Variants in CAMTA1 observed in about 807,000 individuals in gnomAD.
CAMTA1 encodes the protein calmodulin-binding transcription activator 1.
CAMTA1 carries 27 observed loss-of-function variants against 170.9 expected under a neutral mutation model. The ratio of observed to expected loss-of-function variants is 0.16; its 90% CI spans 0.12 to 0.22. The LOEUF (loss-of-function observed/expected upper bound fraction) is 0.22. Among genes scored for constraint, CAMTA1 ranks in the 10% least tolerant of loss-of-function variants. The pLI is 1.00. For missense variants in CAMTA1, 1,619 were observed against 2,217.2 expected, an observed-to-expected ratio of 0.73 and a Z score of 5.42; for synonymous variants, 833 against 891.5, an observed-to-expected ratio of 0.93 and a Z score of 1.17.
intron 9 of CAMTA1, among the ~76,000 whole-genome samples, chr1:7,667,462 G>A (rs2096011475): frequency 6.6e-6 from 1 of 152,162 alleles, no homozygotes; most frequent in Admixed American, 6.5e-5. Context: ...TGGCCTCGAG[G>A]CACTCCCAGT....
chr1:6,976,324 C>T lies in CAMTA1; in HGVS notation c.235-114980C>T, dbSNP rs929626897. 1.2e-4 allele frequency among the ~76,000 whole-genome samples: 19 copies of T among 152,236 alleles called. No individual in the cohort carries two copies. In the Middle Eastern group the frequency reaches 0.01, roughly 82 times the overall value. ...GTGTGTGTGAGATGGGGCAGGGAGA[C>T]GGATCTGGCACTTCTGGCCTGGAAA... On this transcript the variant is annotated intron_variant, in intron 3 of 22. Transcript: ENST00000303635.
chr1:7,627,129 C>T (rs969927731), intron 6 of CAMTA1, among the ~76,000 whole-genome samples: 3 of 152,050 alleles, frequency 2.0e-5, no homozygotes, highest in African/African-American at 4.8e-5. Context: ...GGATATTTTT[C>T]GGGAAAATGG....
intron 4 of CAMTA1, among the ~76,000 whole-genome samples, chr1:7,200,158 T>A (rs1256948054): frequency 6.6e-6 from 1 of 152,246 alleles, no homozygotes; most frequent in Non-Finnish European, 1.5e-5. Flanking sequence ...AATTATTCTC[T>A]GTGTATGTGG....
chr1:7,535,485 G>A (rs575820456), intron 6 of CAMTA1, among the ~76,000 whole-genome samples: 10 of 152,312 alleles, frequency 6.6e-5, no homozygotes, highest in South Asian at 2.1e-4. Flanking sequence ...GCTCTGGGAC[G>A]TCTGGGCTGC....
At position 7,010,017 on chromosome 1, in the gene CAMTA1, G is replaced by T. The variant is rs1430496936; in HGVS notation, c.235-81287G>T. 6.6e-6 allele frequency among the ~76,000 whole-genome samples: 1 copy of T among 152,210 alleles called. No homozygotes were observed. The highest frequency in any genetic ancestry group is 1.5e-5 in the Non-Finnish European group (1 of 68,042). On this transcript the variant is annotated intron_variant, in intron 3 of 22. Coordinates refer to ENST00000303635, the MANE Select transcript of CAMTA1 (RefSeq NM_015215.4). The surrounding 1 kb of genome is among the most constrained non-coding windows in gnomAD (Gnocchi z 4.4). ...GTCCAGGTGCCGGCCAGTGTGGAAGGAGCTGGCTGCTGAGGATTTACCAGC... is the reference window on the plus strand; with the variant it reads ...GTCCAGGTGCCGGCCAGTGTGGAAGTAGCTGGCTGCTGAGGATTTACCAGC...
rs1659692324 is a variant in CAMTA1, at chr1:7,216,058, A to G, written c.303-33433A>G. 6.6e-6 allele frequency among the ~76,000 whole-genome samples: 1 copy of G among 152,230 alleles called. No individual in the cohort carries two copies. The highest frequency in any genetic ancestry group is 2.4e-5 in the African/African-American group (1 of 41,458). ...TGACTCATGGTTCCACAGGCTTTACAGGAAGCATGGCTGGGGAGACCTCAG... is the reference window on the plus strand; with the variant it reads ...TGACTCATGGTTCCACAGGCTTTACGGGAAGCATGGCTGGGGAGACCTCAG... On this transcript the variant is annotated intron_variant, in intron 4 of 22. Transcript: ENST00000303635. This position sits in a 1 kb window ranked among gnomAD's most constrained non-coding sequence, Gnocchi z 4.0.
intron 3 of CAMTA1, among the ~76,000 whole-genome samples, chr1:7,023,050 G>A (rs1049124206): frequency 3.3e-5 from 5 of 152,086 alleles, no homozygotes; most frequent in Admixed American, 3.3e-4. Context: ...GAACAAGAAG[G>A]GACTGTCTTT....
intron 6 of CAMTA1, among the ~76,000 whole-genome samples, chr1:7,638,876 G>A (rs2095737525): frequency 6.6e-6 from 1 of 152,206 alleles, no homozygotes; most frequent in Admixed American, 6.5e-5. Flanking sequence ...AGGCCCCTGG[G>A]CATGTCCTAT....
intron 3 of CAMTA1, among the ~76,000 whole-genome samples, chr1:7,076,539 G>T (rs1025665676): frequency 2.0e-5 from 3 of 152,172 alleles, no homozygotes; most frequent in African/African-American, 7.2e-5. Flanking sequence ...AGGTTCTAAG[G>T]ATAGGGCCCA....
At chr1:7,138,907 A>G (rs1169031535) in intron 4 of CAMTA1, among the ~76,000 whole-genome samples, 2 of 151,264 alleles carry the variant, frequency 1.3e-5, no homozygotes, top group Admixed American at 1.3e-4. Context: ...AGGCAGGAGA[A>G]TTGCTTGAAC....
intron 7 of CAMTA1, among the ~76,000 whole-genome samples, chr1:7,652,019 C>A (rs147871972): frequency 0.019 from 2,868 of 152,296 alleles, 35 homozygotes; most frequent in Non-Finnish European, 0.028. Flanking sequence ...TGCCCCTCAG[C>A]CCCCTGCCAT....
rs182029999 is a variant in CAMTA1 at position 6,916,045 on chromosome 1, G to A, written c.234+90835G>A. ...TCTCCTGGGCATGCCTGTGAGTGCTGTTCGCGGTCTGTTCCCAGGTGCAGA... is the reference window on the plus strand; with the variant it reads ...TCTCCTGGGCATGCCTGTGAGTGCTATTCGCGGTCTGTTCCCAGGTGCAGA... On this transcript the variant is annotated intron_variant, in intron 3 of 22. Transcript: ENST00000303635. Among the ~76,000 whole-genome samples the A allele has an allele frequency of 2.3e-3, 349 of 152,278 alleles. 3 individuals carry two copies. Among genetic ancestry groups the A allele is most frequent in the Admixed American group, 5.9e-3 (90 of 15,296 alleles).
At chr1:6,886,860 C>T (rs999513670) in intron 3 of CAMTA1, among the ~76,000 whole-genome samples, 1 of 152,166 alleles carries the variant, frequency 6.6e-6, no homozygotes, top group African/African-American at 2.4e-5. Flanking sequence ...CATTTTTGGT[C>T]ATTTTGGTCA....
chr1:7,342,940 A>T (rs1321247934), intron 5 of CAMTA1, among the ~76,000 whole-genome samples: 1 of 152,198 alleles, frequency 6.6e-6, no homozygotes, highest in Admixed American at 6.5e-5. Context: ...CCTTGCTCCT[A>T]TTAAGGCCTG....
chr1:6,828,634 G>A (rs1044788472), intron 3 of CAMTA1, among the ~76,000 whole-genome samples: 5 of 151,824 alleles, frequency 3.3e-5, no homozygotes, highest in Non-Finnish European at 7.4e-5. Context: ...TACTGACTGG[G>A]TATTTTATAT....
At chr1:7,467,021 C>T (rs1166863215) in intron 5 of CAMTA1, among the ~76,000 whole-genome samples, 1 of 152,096 alleles carries the variant, frequency 6.6e-6, no homozygotes, top group African/African-American at 2.4e-5. Flanking sequence ...CAGGCAGCAC[C>T]AGAGAATCAG....
intron 5 of CAMTA1, among the ~76,000 whole-genome samples, chr1:7,253,475 G>A (rs913200039): frequency 6.6e-6 from 1 of 152,154 alleles, no homozygotes; most frequent in Non-Finnish European, 1.5e-5. Flanking sequence ...GGCAGCTCTG[G>A]GCTCTTGTCC....
chr1:7,604,404 T>A (rs2095470082), intron 6 of CAMTA1, among the ~76,000 whole-genome samples: 2 of 152,188 alleles, frequency 1.3e-5, no homozygotes, highest in Admixed American at 1.3e-4. Context: ...TCTCTAAACT[T>A]CTTTTCTCGC....
intron 6 of CAMTA1, among the ~76,000 whole-genome samples, chr1:7,517,720 C>T (rs1226999136): frequency 3.3e-5 from 5 of 152,002 alleles, no homozygotes; most frequent in Non-Finnish European, 7.3e-5. Context: ...GAGCAACCAA[C>T]ACATCCTCTG....
Sources: gnomAD v4.1 joint callset for allele counts (sites outside exome capture counted in the v4.1 genomes callset) on GRCh38, gnomAD v4.1.1 for gene constraint, Gnocchi (gnomAD v3.1) non-coding constraint, MANE v1.5 for transcripts, NCBI Gene and HGNC (gene_info 2026-07-23, HGNC 2026-07-21) for gene names.